The following BCAS3 variants were observed in gnomAD, a reference collection of about 807,000 sequenced individuals.
BCAS3 encodes BCAS3 microtubule associated cell migration factor.
In BCAS3, 53 loss-of-function variants were observed where a neutral mutation model predicts 116.1. The observed-to-expected ratio is 0.46, with a 90% confidence interval of 0.37 to 0.57. The LOEUF (loss-of-function observed/expected upper bound fraction) is 0.57, where lower values mean the gene tolerates loss of function less well. Ranked by LOEUF, BCAS3 falls within the 20% of genes least tolerant of loss-of-function variation. BCAS3 has a pLI of 0.00. For synonymous variants in BCAS3, 391 were observed against 408.2 expected, an observed-to-expected ratio of 0.96 and a Z score of 0.51; for missense variants, 917 against 1,165.4, an observed-to-expected ratio of 0.79 and a Z score of 3.10.
rs1274276110 is a variant in BCAS3 at position 61,211,609 on chromosome 17, T to C, written c.2425+127045T>C. Among the ~76,000 whole-genome samples, 2 of 150,980 alleles carry C rather than the reference T, an allele frequency of 1.3e-5. No homozygotes were observed. The highest frequency in any genetic ancestry group is 4.9e-5 in the African/African-American group (2 of 40,948). ...CTGGTGTTGCAGATTTGCATTGGTC[T>C]AGTAGGAATTATGCATCATTAGACT... On this transcript the variant is annotated intron_variant, in intron 22 of 23. Coordinates refer to ENST00000407086, the MANE Select transcript of BCAS3 (RefSeq NM_017679.5). This position sits in a 1 kb window ranked among gnomAD's most constrained non-coding sequence, Gnocchi z 4.4.
chr17:60,886,429 CCTT>C (rs2056644037), intron 9 of BCAS3: 1 of 152,104 alleles, frequency 6.6e-6, no homozygotes, highest in Admixed American at 6.5e-5. Context: ...TCGTCTGAAG[CCTT>C]CTTCTCTCAG....
chr17:61,160,053 A>G (rs2078079712), intron 22 of BCAS3, among the ~76,000 whole-genome samples: 1 of 151,020 alleles, frequency 6.6e-6, no homozygotes, highest in Admixed American at 6.6e-5. Context: ...AAAAATATAT[A>G]TTGAAAATAG....
chr17:60,919,705 T>C (rs918947984), intron 12 of BCAS3, among the ~76,000 whole-genome samples: 6 of 152,030 alleles, frequency 3.9e-5, no homozygotes, highest in Non-Finnish European at 8.8e-5. Context: ...ACAAGGTATT[T>C]TTAAATTGGT....
At position 61,020,638 on chromosome 17, in the gene BCAS3, C is replaced by T. The variant is rs527440757; in HGVS notation, c.1637+4737C>T. ...GGAATTAGGTGCTAAGAGGTTGCACCATATCTTGGATGTTAGGTTTGTAGT... is the reference window on the plus strand; with the variant it reads ...GGAATTAGGTGCTAAGAGGTTGCACTATATCTTGGATGTTAGGTTTGTAGT... On this transcript the variant is annotated intron_variant, in intron 16 of 23. Coordinates refer to ENST00000407086, the MANE Select transcript of BCAS3 (RefSeq NM_017679.5). The surrounding 1 kb of genome is among the most constrained non-coding windows in gnomAD (Gnocchi z 4.5). Among the ~76,000 whole-genome samples, 3 of 152,238 alleles carry T rather than the reference C, an allele frequency of 2.0e-5. No individual in the cohort carries two copies. The highest frequency in any genetic ancestry group is 7.2e-5 in the African/African-American group (3 of 41,544).
At chr17:60,680,270 G>A (rs1271231766) in intron 2 of BCAS3, among the ~76,000 whole-genome samples, 1 of 152,074 alleles carries the variant, frequency 6.6e-6, no homozygotes, top group African/African-American at 2.4e-5. Context: ...AGACAGTGAT[G>A]TAAAATGTAT....
chr17:60,743,374 C>T (rs1347833702), intron 5 of BCAS3, among the ~76,000 whole-genome samples: 1 of 151,956 alleles, frequency 6.6e-6, no homozygotes, highest in South Asian at 2.1e-4. Flanking sequence ...TGTAGCAGGA[C>T]CTTCTGAGTA....
intron 10 of BCAS3, among the ~76,000 whole-genome samples, chr17:60,902,404 T>C (rs1321760833): frequency 6.6e-6 from 1 of 152,208 alleles, no homozygotes; most frequent in Non-Finnish European, 1.5e-5. Flanking sequence ...AAAACCGTAG[T>C]TGAGCATGAA....
rs1371134998 is a variant in BCAS3 at position 60,981,695 on chromosome 17, A to G, written c.1222-8276A>G. Reference sequence around the variant, plus strand: ...TAGCAAACATCTTTGTATAGTGCTTATTAAGTGCTAGGCACTGTTCTAAGT... The same window carrying G: ...TAGCAAACATCTTTGTATAGTGCTTGTTAAGTGCTAGGCACTGTTCTAAGT... On this transcript the variant is annotated intron_variant, in intron 14 of 23. Coordinates refer to ENST00000407086, the MANE Select transcript of BCAS3 (RefSeq NM_017679.5). 2.0e-5 allele frequency among the ~76,000 whole-genome samples: 3 copies of G among 152,242 alleles called. No individual in the cohort carries two copies. In the South Asian group the frequency reaches 6.2e-4, roughly 31 times the overall value.
At chr17:60,983,602 C>T (rs1329074644) in intron 14 of BCAS3, among the ~76,000 whole-genome samples, 2 of 152,174 alleles carry the variant, frequency 1.3e-5, no homozygotes, top group Non-Finnish European at 2.9e-5. Context: ...GGAATTCTGT[C>T]TTCCTGCCTT....
intron 22 of BCAS3, among the ~76,000 whole-genome samples, chr17:61,252,324 G>C (rs1350937554): frequency 1.3e-5 from 2 of 152,190 alleles, no homozygotes; most frequent in African/African-American, 2.4e-5. Flanking sequence ...ATAGCACTTA[G>C]CAGGGTCTCT....
In BCAS3 at chr17:61,083,415, A is replaced by T. The variant is rs1430648675; in HGVS notation, c.2328-1052A>T. The stretch of plus-strand genomic sequence containing the variant: ...TACAAGCAATTAATATTCAGTAAAT[A>T]CTTACTGTATGAATGAATTACCAGA... On this transcript the variant is annotated intron_variant, in intron 21 of 23. Coordinates refer to ENST00000407086, the MANE Select transcript of BCAS3 (RefSeq NM_017679.5). This position sits in a 1 kb window ranked among gnomAD's most constrained non-coding sequence, Gnocchi z 4.9. 6.6e-6 allele frequency among the ~76,000 whole-genome samples: 1 copy of T among 152,138 alleles called. No individual in the cohort carries two copies. The highest frequency in any genetic ancestry group is 1.5e-5 in the Non-Finnish European group (1 of 68,032).
At chr17:60,848,681 A>G (rs1273918627) in intron 7 of BCAS3, among the ~76,000 whole-genome samples, 1 of 151,622 alleles carries the variant, frequency 6.6e-6, no homozygotes, top group Admixed American at 6.6e-5. Flanking sequence ...TGAGCCATTT[A>G]TCATGTTTTC....
intron 22 of BCAS3, among the ~76,000 whole-genome samples, chr17:61,225,055 A>G (rs562498180): frequency 2.6e-5 from 4 of 152,146 alleles, no homozygotes; most frequent in Admixed American, 2.0e-4. Flanking sequence ...ATCCAAATAC[A>G]TTTTGGTCTC....
intron 19 of BCAS3, among the ~76,000 whole-genome samples, chr17:61,048,579 CTG>C (rs1238051990): frequency 1.3e-5 from 2 of 151,970 alleles, no homozygotes; most frequent in Non-Finnish European, 1.5e-5. Flanking sequence ...CACAGCCACA[CTG>C]TTTCATTTTT....
intron 19 of BCAS3, among the ~76,000 whole-genome samples, chr17:61,074,223 TA>T (rs1008665183): frequency 6.6e-4 from 94 of 142,024 alleles, no homozygotes; most frequent in Admixed American, 9.9e-4. Flanking sequence ...AAACTGCTGT[TA>T]AAAAAAAAAA....
At chr17:60,924,013 T>G (rs1019256890) in intron 12 of BCAS3, among the ~76,000 whole-genome samples, 1 of 152,170 alleles carries the variant, frequency 6.6e-6, no homozygotes, top group Non-Finnish European at 1.5e-5. Flanking sequence ...GGCAAAAAAT[T>G]GTGATTTCCC....
chr17:60,710,040 G>A (rs905864625), intron 5 of BCAS3, among the ~76,000 whole-genome samples: 2 of 151,790 alleles, frequency 1.3e-5, no homozygotes, highest in Non-Finnish European at 2.9e-5. Flanking sequence ...TGGTCTTGAA[G>A]TCCTGGACTA....
chr17:60,946,507 A>T lies in BCAS3; in HGVS notation c.1088-712A>T, dbSNP rs146052633. 2.4e-3 allele frequency among the ~76,000 whole-genome samples: 369 copies of T among 152,280 alleles called. 5 individuals carry two copies. The highest frequency in any genetic ancestry group is 4.6e-4 in the Admixed American group (7 of 15,300). ...AATATCATGGTGAATTAAGTACAGGAAGTAGTAGTTGGATCAGTAGATAAA... is the reference window on the plus strand; with the variant it reads ...AATATCATGGTGAATTAAGTACAGGTAGTAGTAGTTGGATCAGTAGATAAA... On this transcript the variant is annotated intron_variant, in intron 13 of 23. Coordinates refer to ENST00000407086, the MANE Select transcript of BCAS3 (RefSeq NM_017679.5).
At chr17:60,771,886 C>T (rs2044748935) in intron 6 of BCAS3, among the ~76,000 whole-genome samples, 2 of 152,174 alleles carry the variant, frequency 1.3e-5, no homozygotes, top group South Asian at 2.1e-4. Context: ...GACATGAGCT[C>T]ATCCTTTTTT....
Sources: gnomAD v4.1 joint callset for allele counts (sites outside exome capture counted in the v4.1 genomes callset) on GRCh38, gnomAD v4.1.1 for gene constraint, Gnocchi (gnomAD v3.1) non-coding constraint, MANE v1.5 for transcripts, NCBI Gene and HGNC (gene_info 2026-07-23, HGNC 2026-07-21) for gene names.